Variants in CMIP observed in about 807,000 individuals in gnomAD.
CMIP encodes the protein C-Maf-inducing protein.
Under a neutral mutation model 97.3 loss-of-function variants are expected in CMIP, and 13 were observed. The observed-to-expected ratio is 0.13, with a 90% CI of 0.09 to 0.21. The LOEUF is 0.21. Ranked by LOEUF, CMIP falls within the 10% of genes least tolerant of loss-of-function variation. The pLI, the probability that CMIP is intolerant of heterozygous loss-of-function variation, is 1.00. For synonymous variants in CMIP, 538 were observed against 436.3 expected, an observed-to-expected ratio of 1.23 and a Z score of -2.91; for missense variants, 847 against 1,024.9, an observed-to-expected ratio of 0.83 and a Z score of 2.37.
At chr16:81,484,471 T>A (rs1352132386) in intron 1 of CMIP, among the ~76,000 whole-genome samples, 1 of 152,126 alleles carries the variant, frequency 6.6e-6, no homozygotes, top group Non-Finnish European at 1.5e-5. Flanking sequence ...GGGCTCCATT[T>A]TGACTCTGGT....
chr16:81,557,906 T>C (rs1409155789), intron 1 of CMIP, among the ~76,000 whole-genome samples: 1 of 152,226 alleles, frequency 6.6e-6, no homozygotes, highest in African/African-American at 2.4e-5. Context: ...ACTCTTTTCA[T>C]CTTATCAGAC....
chr16:81,512,567 G>A (rs1330132265), intron 1 of CMIP, among the ~76,000 whole-genome samples: 3 of 152,150 alleles, frequency 2.0e-5, no homozygotes. Context: ...AAAGGCAGCA[G>A]AAATGCTTCA....
chr16:81,495,249 AGAGTG>A (rs1444752113), intron 1 of CMIP: 1 of 1,316,236 alleles, frequency 7.6e-7, no homozygotes, highest in Admixed American at 3.1e-5. Context: ...ACTGATGGTC[AGAGTG>A]GACCTCTCAG....
chr16:81,648,875 G>A (rs905559717), intron 3 of CMIP, among the ~76,000 whole-genome samples: 17 of 147,988 alleles, frequency 1.1e-4, no homozygotes, highest in Non-Finnish European at 3.0e-5. Flanking sequence ...TCACTCTTTA[G>A]GAACGTCAAC....
chr16:81,516,149 G>A (rs553496449), intron 1 of CMIP, among the ~76,000 whole-genome samples: 1 of 152,264 alleles, frequency 6.6e-6, no homozygotes, highest in South Asian at 2.1e-4. Flanking sequence ...CTCAGTTCCA[G>A]TGCCCAAGTG....
intron 1 of CMIP, among the ~76,000 whole-genome samples, chr16:81,466,830 G>C (rs996607618): frequency 6.6e-6 from 1 of 152,178 alleles, no homozygotes; most frequent in Non-Finnish European, 1.5e-5. Context: ...AGGAACAAAA[G>C]GGCCTTGCTT....
intron 1 of CMIP, among the ~76,000 whole-genome samples, chr16:81,462,461 C>A (rs1906952764): frequency 6.6e-6 from 1 of 152,030 alleles, no homozygotes; most frequent in African/African-American, 2.4e-5. Context: ...GACGCTTCCC[C>A]AGCAGGAAAT....
Position 81,570,516 on chromosome 16 carries a change from G to A in CMIP, c.301-37051G>A, listed in dbSNP as rs572044500. On this transcript the variant is annotated intron_variant, in intron 1 of 20. Transcript: ENST00000537098. ...TGGCCTCCTGGCAGGTGGTGGGACCGCTAGTTTTGAAGAAGCCGAGGTGGA... is the reference window on the plus strand; with the variant it reads ...TGGCCTCCTGGCAGGTGGTGGGACCACTAGTTTTGAAGAAGCCGAGGTGGA... 7.5e-4 allele frequency among the ~76,000 whole-genome samples: 114 copies of A among 152,238 alleles called. 1 individual carries two copies. Among genetic ancestry groups the A allele is most frequent in the African/African-American group, 2.6e-3 (110 of 41,528 alleles).
At chr16:81,530,746 G>A (rs1567562330) in intron 1 of CMIP, among the ~76,000 whole-genome samples, 1 of 152,134 alleles carries the variant, frequency 6.6e-6, no homozygotes. Flanking sequence ...AGAGCTTCGA[G>A]CCTCCTCCAG....
chr16:81,521,923 C>A (rs1395729263), intron 1 of CMIP, among the ~76,000 whole-genome samples: 1 of 152,210 alleles, frequency 6.6e-6, no homozygotes, highest in Admixed American at 6.5e-5. Context: ...AGGCCAGTGT[C>A]TGATACAGTG....
intron 1 of CMIP, among the ~76,000 whole-genome samples, chr16:81,596,768 A>G (rs533324538): frequency 6.6e-6 from 1 of 152,104 alleles, no homozygotes; most frequent in Non-Finnish European, 1.5e-5. Context: ...GTGACCATTC[A>G]ACATCCCAAG....
At chr16:81,521,982 A>G (rs1444628906) in intron 1 of CMIP, among the ~76,000 whole-genome samples, 1 of 152,214 alleles carries the variant, frequency 6.6e-6, no homozygotes, top group Non-Finnish European at 1.5e-5. Flanking sequence ...GAAGGCGAGA[A>G]GAAAAGCGTA....
intron 1 of CMIP, among the ~76,000 whole-genome samples, chr16:81,535,861 G>T (rs1445181329): frequency 6.6e-6 from 1 of 152,134 alleles, no homozygotes; most frequent in Non-Finnish European, 1.5e-5. Context: ...ATTCCCACAA[G>T]CTCCTAGGAC....
intron 2 of CMIP, 39 bp downstream of exon 2, chr16:81,607,731 T>C (rs754773410): frequency 1.2e-6 from 2 of 1,604,252 alleles, no homozygotes; most frequent in South Asian, 1.1e-5. Flanking sequence ...TTCTTCTCCC[T>C]CATCTTCATG....
intron 1 of CMIP, among the ~76,000 whole-genome samples, chr16:81,540,434 C>T (rs538226057): frequency 6.6e-6 from 1 of 152,200 alleles, no homozygotes; most frequent in South Asian, 2.1e-4. Context: ...TCCCGAGTAG[C>T]TGAGACTACA....
rs755196558 is a variant in CMIP, at chr16:81,678,369, A to T, written c.1129A>T (p.Ser377Cys). ...TTTACCTCTGCGCCTTCTGCACCCC[A>T]GCCCGGACCTGGTGTCTCAGGAAGC... ...PTLPLRLLHP[S>C]PDLVSQEATL... Residue 377 changes from serine to cysteine, a missense_variant, in exon 10 of 21, where the codon AGC becomes TGC. By Grantham distance (112) the Ser-to-Cys change is moderately radical. This residue lies in a region of CMIP where 202 missense variants were observed against 168.7 expected (regional missense o/e 1.20). Transcript: ENST00000537098. 1.9e-6 allele frequency: 3 copies of T among 1,612,870 alleles called. No individual in the cohort carries two copies. The highest frequency in any genetic ancestry group is 2.5e-6 in the Non-Finnish European group (3 of 1,179,490).
rs936356289 is a variant in CMIP, at chr16:81,637,834, G to A, written c.478-14369G>A. Among the ~76,000 whole-genome samples the A allele has an allele frequency of 2.0e-5, 3 of 152,208 alleles. No homozygotes were observed. In the South Asian group the frequency reaches 6.2e-4, roughly 31 times the overall value. On this transcript the variant is annotated intron_variant, in intron 3 of 20. Coordinates refer to ENST00000537098, the MANE Select transcript of CMIP (RefSeq NM_198390.3). ...GAAATTCATTTCTCATGGTTCTAGA[G>A]GCCAGGAAGTCCACCATCAAGGTAG...
At chr16:81,471,316 G>A (rs148785655) in intron 1 of CMIP, among the ~76,000 whole-genome samples, 295 of 151,860 alleles carry the variant, frequency 1.9e-3, no homozygotes, top group Admixed American at 4.1e-3. Flanking sequence ...GTACCCACAC[G>A]CACACATATG....
chr16:81,482,126 T>A (rs2089234368), intron 1 of CMIP, among the ~76,000 whole-genome samples: 1 of 152,082 alleles, frequency 6.6e-6, no homozygotes, highest in Non-Finnish European at 1.5e-5. Context: ...TGATCCACCC[T>A]CCTTGGCCTC....
Sources: allele counts gnomAD v4.1 joint callset (sites outside exome capture counted in the v4.1 genomes callset), GRCh38; gene constraint gnomAD v4.1.1; regional missense constraint gnomAD v4.1.1; transcripts MANE v1.5; gene names NCBI Gene and HGNC (gene_info 2026-07-23, HGNC 2026-07-21).